ZFHX3: variants seen among roughly 807,000 people sequenced by gnomAD.
ZFHX3 encodes the protein zinc finger homeobox 3, also known as zinc finger homeobox protein 3.
A neutral mutation model predicts 279.1 loss-of-function variants in ZFHX3; 42 were observed. The observed-to-expected ratio is 0.15, with a 90% CI of 0.12 to 0.19. The LOEUF is 0.19. Ranked by LOEUF, ZFHX3 falls within the 10% of genes least tolerant of loss-of-function variation. The pLI is 1.00. For missense variants in ZFHX3, 4,981 were observed against 4,754.0 expected, an observed-to-expected ratio of 1.05 and a Z score of -1.40; for synonymous variants, 2,293 against 1,957.8, an observed-to-expected ratio of 1.17 and a Z score of -4.52.
intron 2 of ZFHX3, among the ~76,000 whole-genome samples, chr16:73,482,194 T>C (rs76839968): frequency 2.0e-5 from 3 of 152,090 alleles, no homozygotes; most frequent in African/African-American, 7.2e-5. Context: ...CCTTGGGAGC[T>C]GATACAGCAG....
chr16:73,060,132 T>A (rs928388635), upstream of ZFHX3: 7 of 148,832 alleles, frequency 4.7e-5, no homozygotes, highest in African/African-American at 1.7e-4. Flanking sequence ...AATTTCAGAC[T>A]GAATTCATAA....
chr16:73,707,706 G>T (rs932430068), intron 1 of ZFHX3, among the ~76,000 whole-genome samples: 1 of 151,460 alleles, frequency 6.6e-6, no homozygotes, highest in Non-Finnish European at 1.5e-5. Flanking sequence ...AAACCTGCAC[G>T]TTGTGCACAT....
At chr16:72,808,809 T>C (rs933562894) in intron 7 of ZFHX3, among the ~76,000 whole-genome samples, 2 of 152,266 alleles carry the variant, frequency 1.3e-5, no homozygotes, top group African/African-American at 2.4e-5. Flanking sequence ...TTATGCTCCC[T>C]GGCATTGTAC....
chr16:73,750,253 T>C (rs1361552317), intron 1 of ZFHX3, among the ~76,000 whole-genome samples: 1 of 152,060 alleles, frequency 6.6e-6, no homozygotes, highest in Non-Finnish European at 1.5e-5. Context: ...AAAAAACAGA[T>C]CCTAAACCAA....
chr16:73,777,036 T>C (rs1211431352), intron 1 of ZFHX3, among the ~76,000 whole-genome samples: 1 of 152,192 alleles, frequency 6.6e-6, no homozygotes. Flanking sequence ...AGAGGAGGTA[T>C]TGCATTCCCC....
chr16:73,665,887 C>G (rs565101178), intron 2 of ZFHX3, among the ~76,000 whole-genome samples: 3 of 147,796 alleles, frequency 2.0e-5, no homozygotes, highest in African/African-American at 7.6e-5. Flanking sequence ...GTCGCCCAGG[C>G]TCACTGCAAG....
intron 4 of ZFHX3, among the ~76,000 whole-genome samples, chr16:73,263,642 C>T (rs1403662964): frequency 6.6e-6 from 1 of 152,216 alleles, no homozygotes; most frequent in African/African-American, 2.4e-5. Flanking sequence ...CCTCCAGAGT[C>T]ACAGACCATC....
At chr16:73,654,183 C>CAAA (rs35720246) in intron 2 of ZFHX3, among the ~76,000 whole-genome samples, 6 of 89,012 alleles carry the variant, frequency 6.7e-5, no homozygotes, top group African/African-American at 1.5e-4. Flanking sequence ...GACTCAGTCT[C>CAAA]AAAAAAAAAA....
intron 1 of ZFHX3, among the ~76,000 whole-genome samples, chr16:73,033,702 G>A (rs577200540): frequency 2.0e-5 from 3 of 152,132 alleles, no homozygotes; most frequent in African/African-American, 4.8e-5. Context: ...AAAGGAATTC[G>A]ATACCTCCCT....
At chr16:73,754,822 G>A (rs1411722496) in intron 1 of ZFHX3, among the ~76,000 whole-genome samples, 4 of 151,992 alleles carry the variant, frequency 2.6e-5, no homozygotes, top group Admixed American at 2.0e-4. Context: ...ATAAAAGAAG[G>A]TTCACTCAGG....
intron 2 of ZFHX3, among the ~76,000 whole-genome samples, chr16:73,576,393 G>A (rs184079389): frequency 1.7e-4 from 26 of 152,194 alleles, no homozygotes; most frequent in Middle Eastern, 3.4e-3. Context: ...TATTTACCCC[G>A]GGCACACTCA....
At chr16:73,300,444 C>T (rs1321553957) in intron 4 of ZFHX3, among the ~76,000 whole-genome samples, 1 of 151,938 alleles carries the variant, frequency 6.6e-6, no homozygotes, top group Non-Finnish European at 1.5e-5. Context: ...AGGTGTGGCC[C>T]ATAGGTGGCC....
At chr16:73,368,302 A>C (rs4888148) in intron 3 of ZFHX3, among the ~76,000 whole-genome samples, 71,306 of 152,136 alleles carry the variant, frequency 0.47, 20,103 homozygotes, top group Non-Finnish European at 0.63. Context: ...AAATATCATG[A>C]TATGAGTAAG....
intron 3 of ZFHX3, among the ~76,000 whole-genome samples, chr16:73,340,534 T>G (rs549751913): frequency 2.5e-4 from 38 of 152,294 alleles, no homozygotes; most frequent in African/African-American, 7.7e-4. Flanking sequence ...TTTGGTTTTT[T>G]TGTGTGTGTG....
In ZFHX3 at chr16:72,796,992, T is replaced by G; in HGVS notation, c.5690A>C (p.Glu1897Ala). Residue 1897 changes from glutamate (E) to alanine (A), a missense_variant, in exon 9 of 10, where the codon GAG becomes GCG. Around this residue, in one of 7 missense-constraint regions of ZFHX3, gnomAD observed 1,751 missense variants for 1,770.0 expected, o/e 0.99. Transcript: ENST00000268489. ...CGGACCGGTGTTGCCCTCTCCCCCC[T>G]CGGCGCTGTCCCTCTCTCTCTGGCT... ...KESQRERDSA[E>A]GGEGNTGPKE... 1 of 1,613,950 alleles carries G rather than the reference T, an allele frequency of 6.2e-7. No individual in the cohort carries two copies. Among genetic ancestry groups the G allele is most frequent in the Non-Finnish European group, 8.5e-7 (1 of 1,179,968 alleles).
Position 72,986,912 on chromosome 16 carries a change from G to A in ZFHX3, c.-49-26718C>T, listed in dbSNP as rs139636698. Among the ~76,000 whole-genome samples the A allele has an allele frequency of 4.9e-4, 75 of 152,124 alleles. 1 individual carries two copies. Among genetic ancestry groups the A allele is most frequent in the Admixed American group, 8.5e-4 (13 of 15,274 alleles). On this transcript the variant is annotated intron_variant, in intron 1 of 9. Coordinates refer to ENST00000268489, the MANE Select transcript of ZFHX3 (RefSeq NM_006885.4). ...TGTAATTCCAGAACTTTTGGAGGCC[G>A]AGTCAGACAGACCGCTTGAGCCCAG...
rs16972516 is a variant in ZFHX3, at chr16:73,763,216, C to T, written c.-1607-82976G>A. Among the ~76,000 whole-genome samples the T allele has an allele frequency of 7.4e-3, 1,126 of 152,238 alleles. 13 individuals are homozygous for T. Among genetic ancestry groups the T allele is most frequent in the African/African-American group, 0.024 (1,013 of 41,546 alleles). ...AAAAAAAAATTATCCCTCTTGGCAA[C>T]TGACCTATCATGTATTAAAGGCCTT... On this transcript the variant is annotated intron_variant, in intron 1 of 17. Transcript: ENST00000641206.
intron 3 of ZFHX3, among the ~76,000 whole-genome samples, chr16:73,384,687 A>ACACAGCATT (rs1441054602): frequency 6.6e-6 from 1 of 152,198 alleles, no homozygotes; most frequent in Non-Finnish European, 1.5e-5. Context: ...TACACAGCAT[A>ACACAGCATT]CACCAAGGAA....
chr16:73,214,924 A>T (rs1043150477), intron 5 of ZFHX3, among the ~76,000 whole-genome samples: 4 of 133,772 alleles, frequency 3.0e-5, no homozygotes, highest in African/African-American at 1.1e-4. Context: ...AACCACACCA[A>T]CTCCTCTGTG....
Sources: gnomAD v4.1 joint callset for allele counts (sites outside exome capture counted in the v4.1 genomes callset) on GRCh38, gnomAD v4.1.1 for gene constraint, gnomAD v4.1.1 regional missense constraint, MANE v1.5 for transcripts, NCBI Gene and HGNC (gene_info 2026-07-23, HGNC 2026-07-21) for gene names.